Variants in SYT10 observed in about 807,000 individuals in gnomAD.
The protein encoded by SYT10 is synaptotagmin 10, also known as synaptotagmin-10.
Under a neutral mutation model 51.1 loss-of-function variants are expected in SYT10, and 31 were observed. The observed-to-expected ratio is 0.61, with a 90% CI of 0.46 to 0.82. The LOEUF (loss-of-function observed/expected upper bound fraction) is 0.82, where lower values mean the gene tolerates loss of function less well. Among genes scored for constraint, SYT10 ranks in the 40% least tolerant of loss-of-function variants. SYT10 has a pLI of 0.00. For missense variants in SYT10, 603 were observed against 634.0 expected (o/e 0.95, Z 0.53); for synonymous variants, 233 against 225.9 (o/e 1.03, Z -0.28).
Position 33,374,680 on chromosome 12 carries a change from C to T in SYT10, c.*2150G>A, listed in dbSNP as rs1866048554. 6.6e-6 allele frequency: 1 copy of T among 151,916 alleles called. No individual in the cohort carries two copies. Among genetic ancestry groups the T allele is most frequent in the Non-Finnish European group, 1.5e-5 (1 of 67,896 alleles). 9.4% of individuals were successfully genotyped at this position (151,916 alleles called of 1,614,324 possible). A position where few individuals can be genotyped will look rare whatever the true frequency, so the allele number is the denominator to read the frequency against. On this transcript the variant is annotated 3_prime_UTR_variant, in exon 7 of 7. Transcript: ENST00000228567. The stretch of plus-strand genomic sequence containing the variant: ...CATATCCTTGCATGATGAGTTTATT[C>T]TAACTTCAAGGAAACATTTAAAAAA...
chr12:33,437,566 C>A (rs1866647930), intron 1 of SYT10, among the ~76,000 whole-genome samples: 1 of 152,140 alleles, frequency 6.6e-6, no homozygotes. Context: ...CCCGGGAAAC[C>A]ACTATTTGGT....
At chr12:33,412,119 A>T (rs982450558) in intron 2 of SYT10, among the ~76,000 whole-genome samples, 6 of 152,032 alleles carry the variant, frequency 3.9e-5, no homozygotes, top group African/African-American at 1.4e-4. Context: ...TTATTCCATC[A>T]TTTCACACTC....
At chr12:33,377,856 G>A (rs1203588581) in intron 6 of SYT10, among the ~76,000 whole-genome samples, 3 of 151,894 alleles carry the variant, frequency 2.0e-5, no homozygotes, top group Non-Finnish European at 2.9e-5. Flanking sequence ...TTGAACTCCT[G>A]ACCTCAAGTG....
rs1866056704 is a variant in SYT10 at position 33,375,697 on chromosome 12, T to A, written c.*1133A>T. On this transcript the variant is annotated 3_prime_UTR_variant, in exon 7 of 7. Coordinates refer to ENST00000228567, the MANE Select transcript of SYT10 (RefSeq NM_198992.4). ...GCCTTTAGAATTAATTTGTTTATTATTATTAAGCATTGAAGTTGTATTATT... is the reference window on the plus strand; with the variant it reads ...GCCTTTAGAATTAATTTGTTTATTAATATTAAGCATTGAAGTTGTATTATT... 1 of 152,328 alleles carries A rather than the reference T, an allele frequency of 6.6e-6. No individual in the cohort carries two copies. Among genetic ancestry groups the A allele is most frequent in the Admixed American group, 6.5e-5 (1 of 15,268 alleles). The allele number at this position is 152,328 out of a possible 1,614,324, so 9.4% of individuals were successfully genotyped here. A position where few individuals can be genotyped will look rare whatever the true frequency, so the allele number is the denominator to read the frequency against.
chr12:33,417,350 G>C (rs1694421573), intron 2 of SYT10, among the ~76,000 whole-genome samples: 1 of 152,130 alleles, frequency 6.6e-6, no homozygotes, highest in Non-Finnish European at 1.5e-5. Context: ...AGAGAGCTGA[G>C]CTAGCATATT....
At chr12:33,395,338 T>A (rs1452094786) in intron 3 of SYT10, among the ~76,000 whole-genome samples, 1 of 152,250 alleles carries the variant, frequency 6.6e-6, no homozygotes, top group Non-Finnish European at 1.5e-5. Context: ...ATCTGCATAT[T>A]CTTGTCACTA....
intron 2 of SYT10, among the ~76,000 whole-genome samples, chr12:33,412,279 C>G (rs988243525): frequency 6.6e-6 from 1 of 152,064 alleles, no homozygotes; most frequent in African/African-American, 2.4e-5. Context: ...TCTAGTAAGT[C>G]AGTGTCCTAA....
At chr12:33,429,659 A>G (rs748033458) in intron 1 of SYT10, among the ~76,000 whole-genome samples, 18 of 152,318 alleles carry the variant, frequency 1.2e-4, no homozygotes, top group Non-Finnish European at 2.1e-4. Context: ...ATGATGCATC[A>G]TAAGTATGAC....
At chr12:33,400,528 G>A (rs1866293933) in intron 3 of SYT10, among the ~76,000 whole-genome samples, 1 of 151,464 alleles carries the variant, frequency 6.6e-6, no homozygotes, top group Non-Finnish European at 1.5e-5. Flanking sequence ...ATATACACAA[G>A]CAACTTCCTT....
At chr12:33,410,589 G>A (rs1489283378) in intron 2 of SYT10, among the ~76,000 whole-genome samples, 1 of 152,166 alleles carries the variant, frequency 6.6e-6, no homozygotes, top group Non-Finnish European at 1.5e-5. Context: ...TGGTGGAAGG[G>A]TGTCACAGGT....
chr12:33,388,537 A>G (rs147464438), intron 3 of SYT10, among the ~76,000 whole-genome samples: 30 of 152,326 alleles, frequency 2.0e-4, no homozygotes, highest in Admixed American at 3.3e-4. Context: ...AGCCTGTTAT[A>G]AAGTCTAGGA....
At position 33,439,586 on chromosome 12, in the gene SYT10, C is replaced by T; in HGVS notation, c.-64G>A. ...TAGCCGTCTTTTCCTCTTCCCGTAC[C>T]TCTAACCCCTCTGGCGCCCTAAGCC... On this transcript the variant is annotated 5_prime_UTR_variant, in exon 1 of 7. Coordinates refer to ENST00000228567, the MANE Select transcript of SYT10 (RefSeq NM_198992.4). 1 of 1,562,968 alleles carries T rather than the reference C, an allele frequency of 6.4e-7. No individual in the cohort carries two copies. Among genetic ancestry groups the T allele is most frequent in the African/African-American group, 1.4e-5 (1 of 73,960 alleles).
At chr12:33,416,155 A>G (rs1016831872) in intron 2 of SYT10, among the ~76,000 whole-genome samples, 3 of 140,456 alleles carry the variant, frequency 2.1e-5, no homozygotes, top group Non-Finnish European at 4.7e-5. Flanking sequence ...ATCTCAGCTT[A>G]CAGCAACCTC....
intron 3 of SYT10, among the ~76,000 whole-genome samples, chr12:33,403,200 A>G (rs904653650): frequency 2.0e-5 from 3 of 150,668 alleles, no homozygotes; most frequent in Non-Finnish European, 3.0e-5. Flanking sequence ...AAGAATATTT[A>G]TATTTGTCAT....
intron 1 of SYT10, among the ~76,000 whole-genome samples, chr12:33,430,987 G>A (rs1426350592): frequency 1.3e-5 from 2 of 152,192 alleles, no homozygotes; most frequent in Non-Finnish European, 2.9e-5. Flanking sequence ...CATGTGAAGT[G>A]AGACTGTCCC....
intron 3 of SYT10, among the ~76,000 whole-genome samples, chr12:33,396,734 A>G (rs1222573280): frequency 1.1e-4 from 16 of 149,168 alleles, no homozygotes; most frequent in African/African-American, 1.5e-4. Context: ...GCCAGGCTGG[A>G]GTGCAGTGGC....
chr12:33,439,287 G>C, intron 1 of SYT10, 85 bp downstream of exon 1: 1 of 1,487,740 alleles, frequency 6.7e-7, no homozygotes, highest in South Asian at 1.3e-5. Flanking sequence ...GGAGCGGCGC[G>C]GGAGGCGCAG....
chr12:33,426,437 A>C lies in SYT10; in HGVS notation c.210T>G (p.Val70=). The C allele has an allele frequency of 2.5e-6, 4 of 1,613,608 alleles. No individual in the cohort carries two copies. The highest frequency in any genetic ancestry group is 3.4e-6 in the Non-Finnish European group (4 of 1,179,838). The change falls in exon 2 of 7, where the codon GTT becomes GTG. Residue 70 remains valine, a synonymous_variant. Transcript: ENST00000228567. ...GCTTCCAGAAGACAAAAAGTGAGAC[A>C]ACCAACAAGGCCAGTCCACAAAAGC... ...VVSFCGLALL[V]VSLFVFWKLC... is the part of the protein sequence containing the mutation.
chr12:33,417,900 T>C (rs751774551), intron 2 of SYT10, among the ~76,000 whole-genome samples: 1 of 152,160 alleles, frequency 6.6e-6, no homozygotes, highest in Non-Finnish European at 1.5e-5. Flanking sequence ...AGTGACAGAA[T>C]CAATGGATTG....
Sources: allele counts gnomAD v4.1 joint callset (sites outside exome capture counted in the v4.1 genomes callset), GRCh38; gene constraint gnomAD v4.1.1; transcripts MANE v1.5; gene names NCBI Gene and HGNC (gene_info 2026-07-23, HGNC 2026-07-21).